NLRP6: variants seen among roughly 807,000 people sequenced by gnomAD.
NLRP6 encodes NACHT, LRR and PYD domains-containing protein 6.
Under a neutral mutation model 70.9 loss-of-function variants are expected in NLRP6, and 55 were observed. The ratio of observed to expected loss-of-function variants is 0.78; its 90% confidence interval spans 0.62 to 0.97. The LOEUF is 0.97. Among genes scored for constraint, NLRP6 ranks in the 50% least tolerant of loss-of-function variants. NLRP6 has a pLI of 0.00. For missense variants in NLRP6, 1,241 were observed against 1,238.3 expected, an observed-to-expected ratio of 1.00 and a Z score of -0.03; for synonymous variants, 652 against 581.9, an observed-to-expected ratio of 1.12 and a Z score of -1.73.
chr11:285,019 G>A (rs1845537860), intron 7 of NLRP6, 147 bp from the exon 8 acceptor site: 2 of 663,370 alleles, frequency 3.0e-6, no homozygotes, highest in East Asian at 5.4e-5. Flanking sequence ...CAGCCAAGCT[G>A]ACAGCCCAGT....
rs368022079 is a variant in NLRP6 at position 285,260 on chromosome 11, G to C, written c.2632G>C (p.Asp878His). The part of the protein sequence containing the change: ...PDLVITHPAL[D>H]GHPQPPKELI... The stretch of plus-strand genomic sequence containing the variant: ...TCTGGTCATCACACACCCAGCGCTG[G>C]ACGGCCACCCACAACCTCCCAAGGA... Residue 878 changes from aspartate (D) to histidine (H), a missense_variant, in exon 8 of 8, where the codon GAC (aspartate) becomes CAC (histidine). Coordinates refer to ENST00000534750, the MANE Select transcript of NLRP6 (RefSeq NM_001276700.2). The C allele has an allele frequency of 4.5e-5, 73 of 1,608,220 alleles. No homozygotes were observed. Among genetic ancestry groups the C allele is most frequent in the Non-Finnish European group, 6.1e-5 (72 of 1,177,144 alleles).
chr11:281,546 A>G lies in NLRP6; in HGVS notation c.1812A>G (p.Glu604=). 6.2e-7 allele frequency: 1 copy of G among 1,610,952 alleles called. No individual in the cohort carries two copies. The highest frequency in any genetic ancestry group is 8.5e-7 in the Non-Finnish European group (1 of 1,178,764). ...GGGCCAAAGGGCTCGAGGACACCGA[A>G]GAGCCAGAGGAGGAGGAGGAGGGAG... ...TEGAKGLEDT[E]EPEEEEEGEE... The change falls in exon 4 of 8, where the codon GAA becomes GAG. Residue 604 remains glutamate (E), a synonymous_variant. Coordinates refer to ENST00000534750, the MANE Select transcript of NLRP6 (RefSeq NM_001276700.2).
At position 285,385 on chromosome 11, in the gene NLRP6, T is replaced by G; in HGVS notation, c.*81T>G. The G allele has an allele frequency of 6.8e-7, 1 of 1,463,544 alleles. No homozygotes were observed. Among genetic ancestry groups the G allele is most frequent in the South Asian group, 1.2e-5 (1 of 82,488 alleles). 90.7% of individuals were successfully genotyped at this position (1,463,544 alleles called of 1,614,324 possible). On this transcript the variant is annotated 3_prime_UTR_variant, in exon 8 of 8. Transcript: ENST00000534750. ...ACGGCCCATTCCAAGGGCAGGAGGATATTGCTCTCGGCCTTTGGGAAACTT... is the reference window on the plus strand; with the variant it reads ...ACGGCCCATTCCAAGGGCAGGAGGAGATTGCTCTCGGCCTTTGGGAAACTT...
intron 4 of NLRP6, 67 bp from the exon 5 acceptor site, chr11:282,634 TAGAC>T: frequency 8.5e-7 from 1 of 1,182,750 alleles, no homozygotes; most frequent in Non-Finnish European, 1.3e-6. Context: ...GGACTACAGA[TAGAC>T]AGGAGTCCTT....
chr11:282,872 G>C, intron 5 of NLRP6, 75 bp downstream of exon 5: 1 of 1,108,852 alleles, frequency 9.0e-7, no homozygotes, highest in Non-Finnish European at 1.4e-6. Context: ...ACGGAAGTAT[G>C]ACCTAGGAAA....
In NLRP6 at chr11:280,247, G is replaced by C. The variant is rs1158110920; in HGVS notation, c.513G>C (p.Pro171=). ...TGGGGCCCGCGGAAGAGCCTGAGCC[G>C]GGGCGCGCGCGGCGCTCGGACACGC... ...EAMGPAEEPE[P]GRARRSDTHT... The change falls in exon 4 of 8, where the codon CCG becomes CCC. Residue 171 remains proline (P), a synonymous_variant. Coordinates refer to ENST00000534750, the MANE Select transcript of NLRP6 (RefSeq NM_001276700.2). The C allele has an allele frequency of 3.9e-6, 6 of 1,528,244 alleles. No homozygotes were observed. Among genetic ancestry groups the C allele is most frequent in the African/African-American group, 2.8e-5 (2 of 70,738 alleles). 94.7% of individuals were successfully genotyped at this position (1,528,244 alleles called of 1,614,324 possible). A position where few individuals can be genotyped will look rare whatever the true frequency, so the allele number is the denominator to read the frequency against.
chr11:284,288 G>A lies in NLRP6; in HGVS notation c.2257G>A (p.Ala753Thr). 6.2e-7 allele frequency: 1 copy of A among 1,612,798 alleles called. No individual in the cohort carries two copies. The highest frequency in any genetic ancestry group is 8.5e-7 in the Non-Finnish European group (1 of 1,179,970). ...VCRDLSEALR[A>T]APALTELGLL... ...CCGAGACCTTTCTGAGGCCCTGAGG[G>A]CAGCCCCCGCACTGACGGAGCTGGG... The change falls in exon 6 of 8, where the codon GCA becomes ACA. Residue 753 changes from alanine to threonine, a missense_variant. Physicochemically the swap from Ala to Thr is moderately conservative, Grantham distance 58. Transcript: ENST00000534750.
Position 280,819 on chromosome 11 carries a change from T to A in NLRP6, c.1085T>A (p.Phe362Tyr). Residue 362 changes from phenylalanine to tyrosine, a missense_variant, in exon 4 of 8, where the codon TTC (phenylalanine) becomes TAC (tyrosine). Physicochemically the swap from Phe to Tyr is conservative, Grantham distance 22 (BLOSUM62 3). Coordinates refer to ENST00000534750, the MANE Select transcript of NLRP6 (RefSeq NM_001276700.2). Reference protein sequence around the residue: ...KDKKKYFYKYFRDERRAERAY... With the variant: ...KDKKKYFYKYYRDERRAERAY... ...AAGAAGAAGTATTTCTACAAGTATT[T>A]CCGGGATGAGAGGAGGGCCGAGCGC... The A allele has an allele frequency of 6.2e-7, 1 of 1,612,978 alleles. No individual in the cohort carries two copies. Among genetic ancestry groups the A allele is most frequent in the African/African-American group, 1.3e-5 (1 of 75,040 alleles).
In NLRP6 at chr11:281,089, G is replaced by A; in HGVS notation, c.1355G>A (p.Gly452Asp). 2 of 1,612,696 alleles carry A rather than the reference G, an allele frequency of 1.2e-6. No homozygotes were observed. Among genetic ancestry groups the A allele is most frequent in the Non-Finnish European group, 1.7e-6 (2 of 1,179,736 alleles). ...AATCTGTGCCGCCTGGCCCGCGAGG[G>A]CGTCCTCGGACGCAGGGCGCAGTTT... ...LRNLCRLAREGVLGRRAQFAE... is the reference protein window; with the variant it reads ...LRNLCRLAREDVLGRRAQFAE... The change falls in exon 4 of 8, where the codon GGC (glycine) becomes GAC (aspartate). Residue 452 changes from glycine to aspartate, a missense_variant. Transcript: ENST00000534750.
chr11:284,459 G>T lies in NLRP6; in HGVS notation c.2370-16G>T. 1 of 1,609,286 alleles carries T rather than the reference G, an allele frequency of 6.2e-7. No homozygotes were observed. ...CCCCGCCACCCCAGCAGCTCCTGAG[G>T]TCGGCCCTCCCACAGGGTACAGCTG... On this transcript the variant is annotated splice_polypyrimidine_tract_variant and intron_variant, in intron 6 of 7. Transcript: ENST00000534750.
At chr11:283,502 A>G (rs1257824180) in intron 5 of NLRP6, among the ~76,000 whole-genome samples, 1 of 151,694 alleles carries the variant, frequency 6.6e-6, no homozygotes, top group Non-Finnish European at 1.5e-5. Flanking sequence ...TTTAGTAGAG[A>G]CAGGGTTTCA....
Position 281,692 on chromosome 11 carries a change from G to A in NLRP6, c.1958G>A (p.Arg653His), listed in dbSNP as rs148388963. The A allele has an allele frequency of 1.2e-6, 2 of 1,613,322 alleles. No individual in the cohort carries two copies. The highest frequency in any genetic ancestry group is 1.3e-5 in the African/African-American group (1 of 74,954). ...GCGCTGCAGCGAGTGCGCTTCTGCCGCATGGACGTGGCTGTTCTGAGCTAC... is the reference window on the plus strand; with the variant it reads ...GCGCTGCAGCGAGTGCGCTTCTGCCACATGGACGTGGCTGTTCTGAGCTAC... ...ELALQRVRFC[R>H]MDVAVLSYCV... Residue 653 changes from arginine to histidine, a missense_variant, in exon 4 of 8, where the codon CGC (arginine) becomes CAC (histidine). Arg to His is a conservative substitution (Grantham distance 29). Transcript: ENST00000534750.
chr11:282,782 A>T lies in NLRP6; in HGVS notation c.2183A>T (p.His728Leu), dbSNP rs1845497490. The T allele has an allele frequency of 6.2e-7, 1 of 1,613,272 alleles. No homozygotes were observed. Among genetic ancestry groups the T allele is most frequent in the South Asian group, 1.1e-5 (1 of 91,078 alleles). ...LFQAMTDPLC[H>L]LSSLTLSHCK... ...CAGGCAATGACTGACCCACTGTGCC[A>T]TCTGAGCAGCCTCACGTGAGTGGCC... Residue 728 changes from histidine (H) to leucine (L), a missense_variant, in exon 5 of 8, where the codon CAT becomes CTT. Transcript: ENST00000534750.
chr11:284,010 A>G (rs969918156), intron 5 of NLRP6, among the ~76,000 whole-genome samples: 3 of 152,194 alleles, frequency 2.0e-5, no homozygotes, highest in African/African-American at 2.4e-5. Flanking sequence ...AGCTCTCCGA[A>G]GAGCTCGTAG....
In NLRP6 at chr11:280,640, G is replaced by A. The variant is rs896145370; in HGVS notation, c.906G>A (p.Ala302=). 12 of 1,505,788 alleles carry A rather than the reference G, an allele frequency of 8.0e-6. No individual in the cohort carries two copies. Among genetic ancestry groups the A allele is most frequent in the East Asian group, 7.8e-5 (3 of 38,574 alleles). 93.3% of individuals were successfully genotyped at this position (1,505,788 alleles called of 1,614,324 possible). Residue 302 remains alanine, a synonymous_variant, in exon 4 of 8, where the codon GCG becomes GCA. Transcript: ENST00000534750. ...AAPCTDPFEA[A]SGARVLGGLL... is the part of the protein sequence containing the mutation. ...CCTGCACAGACCCCTTCGAGGCGGCGAGCGGCGCGCGGGTGCTAGGCGGGC... is the reference window on the plus strand; with the variant it reads ...CCTGCACAGACCCCTTCGAGGCGGCAAGCGGCGCGCGGGTGCTAGGCGGGC...
At chr11:279,192 C>T (rs2134006259) in intron 1 of NLRP6, 135 bp from the exon 2 acceptor site, 2 of 775,436 alleles carry the variant, frequency 2.6e-6, no homozygotes, top group African/African-American at 3.6e-5. Flanking sequence ...TCCCGCCACC[C>T]CATGGATCCA....
Position 284,636 on chromosome 11 carries a change from C to A in NLRP6, c.2531C>A (p.Thr844Asn). 1.2e-6 allele frequency: 2 copies of A among 1,604,396 alleles called. No individual in the cohort carries two copies. The highest frequency in any genetic ancestry group is 1.7e-6 in the Non-Finnish European group (2 of 1,178,500). The part of the protein sequence containing the change: ...VLQHQGCGLQ[T>N]LSLASVELSE... ...CAGCACCAGGGATGCGGCCTGCAGACCCTCAGGTGGAGGCAGGGGTGGGAA... is the reference window on the plus strand; with the variant it reads ...CAGCACCAGGGATGCGGCCTGCAGAACCTCAGGTGGAGGCAGGGGTGGGAA... Residue 844 changes from threonine to asparagine, a missense_variant, in exon 7 of 8, where the codon ACC (threonine) becomes AAC (asparagine). Coordinates refer to ENST00000534750, the MANE Select transcript of NLRP6 (RefSeq NM_001276700.2).
chr11:279,254 G>C lies in NLRP6; in HGVS notation c.30-73G>C, dbSNP rs377177278. On this transcript the variant is annotated intron_variant, in intron 1 of 7. Transcript: ENST00000534750. Reference sequence around the variant, plus strand: ...AGGCCCTGCCCGCGGTGGGTTCTCCGGCGCCAGAGTCGGGGGCGGGCGGGG... The same window carrying C: ...AGGCCCTGCCCGCGGTGGGTTCTCCCGCGCCAGAGTCGGGGGCGGGCGGGG... The C allele has an allele frequency of 8.4e-6, 10 of 1,187,302 alleles. No homozygotes were observed. The African/African-American group carries it at 1.3e-4, about 15-fold the overall frequency. The allele number at this position is 1,187,302 out of a possible 1,614,324, so 73.5% of individuals were successfully genotyped here. A position where few individuals can be genotyped will look rare whatever the true frequency, so the allele number is the denominator to read the frequency against.
At chr11:280,039 C>T (rs528125372) in intron 3 of NLRP6, 45 bp from the exon 4 acceptor site, 16 of 1,441,246 alleles carry the variant, frequency 1.1e-5, no homozygotes, top group Admixed American at 2.9e-5. Flanking sequence ...CGCAGCCTGC[C>T]CCACCTCCGA....
Sources: gnomAD v4.1 joint callset for allele counts (sites outside exome capture counted in the v4.1 genomes callset) on GRCh38, gnomAD v4.1.1 for gene constraint, MANE v1.5 for transcripts, NCBI Gene and HGNC (gene_info 2026-07-23, HGNC 2026-07-21) for gene names.